Variants in DNMT3L observed in about 807,000 individuals in gnomAD.
DNMT3L encodes DNA methyltransferase 3 like, also known as DNA (cytosine-5)-methyltransferase 3-like.
A neutral mutation model predicts 36.2 loss-of-function variants in DNMT3L; 33 were observed. That is an observed-to-expected ratio of 0.91 (90% CI 0.69 to 1.22). The LOEUF is 1.22. Among genes scored for constraint, DNMT3L ranks in the 50% most tolerant of loss-of-function variants. DNMT3L has a pLI of 0.00. For missense variants in DNMT3L, 310 were observed against 303.1 expected (o/e 1.02, Z -0.17); for synonymous variants, 117 against 121.7 (o/e 0.96, Z 0.26).
At chr21:44,253,661 G>A (rs1020258249) in intron 8 of DNMT3L, among the ~76,000 whole-genome samples, 62 of 152,210 alleles carry the variant, frequency 4.1e-4, no homozygotes, top group African/African-American at 1.4e-3. Flanking sequence ...GGAGGTTGCA[G>A]TGAGCCCAGA....
At chr21:44,259,020 C>T (rs2040290288) in intron 5 of DNMT3L, among the ~76,000 whole-genome samples, 1 of 152,100 alleles carries the variant, frequency 6.6e-6, no homozygotes, top group African/African-American at 2.4e-5. Context: ...GTAGCAACAG[C>T]AGCTGGGGGA....
chr21:44,256,237 G>A (rs2040258130), intron 6 of DNMT3L, 83 bp from the exon 7 acceptor site: 1 of 1,394,518 alleles, frequency 7.2e-7, no homozygotes, highest in African/African-American at 1.4e-5. Context: ...ATTCTTCCCT[G>A]GATGAACACT....
intron 1 of DNMT3L, 149 bp from the exon 2 acceptor site, chr21:44,261,415 C>T (rs1443582637): frequency 2.9e-6 from 2 of 699,544 alleles, no homozygotes; most frequent in East Asian, 5.5e-5. Flanking sequence ...ACCTGCCCAA[C>T]CCAGGGATGA....
chr21:44,258,590 C>A lies in DNMT3L; in HGVS notation c.449G>T (p.Arg150Leu), dbSNP rs750418689. The change falls in exon 6 of 12, where the codon CGA becomes CTA. Residue 150 changes from arginine to leucine, a missense_variant. By Grantham distance (102) the Arg-to-Leu change is moderately radical. Coordinates refer to ENST00000628202, the MANE Select transcript of DNMT3L (RefSeq NM_175867.3). This position sits in a 1 kb window ranked among gnomAD's most constrained non-coding sequence, Gnocchi z 6.2. ...CCTCCGACGCTGCAGCAGCCCGCTT[C>A]GGGAGGACGGCAGGCACAGGTAGCA... The part of the protein sequence containing the change: ...WVCYLCLPSS[R>L]SGLLQRRRKW... The A allele has an allele frequency of 1.7e-5, 28 of 1,610,682 alleles. No homozygotes were observed. The South Asian group carries it at 2.9e-4, about 16-fold the overall frequency.
Position 44,258,660 on chromosome 21 carries a change from C to T in DNMT3L, c.379G>A (p.Gly127Ser), listed in dbSNP as rs1251256454. 3.1e-6 allele frequency: 5 copies of T among 1,612,892 alleles called. No individual in the cohort carries two copies. The highest frequency in any genetic ancestry group is 1.3e-5 in the African/African-American group (1 of 75,074). ...TGCACCTTCCCCGAGGTCCCGGGGC[C>T]GACCAGGCTATCCACACACTCGAAG... ...YCFECVDSLVGPGTSGKVHAM... is the reference protein window; with the variant it reads ...YCFECVDSLVSPGTSGKVHAM... The change falls in exon 6 of 12, where the codon GGC becomes AGC. Residue 127 changes from glycine (G) to serine (S), a missense_variant. Gly to Ser is a moderately conservative substitution (Grantham distance 56). Coordinates refer to ENST00000628202, the MANE Select transcript of DNMT3L (RefSeq NM_175867.3). The surrounding 1 kb of genome is among the most constrained non-coding windows in gnomAD (Gnocchi z 6.2).
chr21:44,260,771 G>T, intron 3 of DNMT3L, 24 bp downstream of exon 3: 6 of 1,613,082 alleles, frequency 3.7e-6, no homozygotes, highest in Non-Finnish European at 5.1e-6. Context: ...TTTGTCTGGT[G>T]TGGGCCAGTA....
At chr21:44,254,944 A>T (rs911943503) in intron 7 of DNMT3L, among the ~76,000 whole-genome samples, 1 of 151,774 alleles carries the variant, frequency 6.6e-6, no homozygotes, top group Admixed American at 6.6e-5. Flanking sequence ...CCCTGCCTCA[A>T]CCTCCCGAGT....
intron 6 of DNMT3L, among the ~76,000 whole-genome samples, chr21:44,257,603 C>T (rs1449997855): frequency 2.0e-5 from 3 of 147,916 alleles, no homozygotes; most frequent in African/African-American, 7.5e-5. Context: ...ATGGCGTGAA[C>T]CTGGGAGGCG....
chr21:44,255,930 G>A (rs1269112025), intron 7 of DNMT3L, 137 bp downstream of exon 7: 2 of 843,250 alleles, frequency 2.4e-6, no homozygotes, highest in East Asian at 5.1e-5. Flanking sequence ...CATGGGCCCA[G>A]GGTGGGGAAG....
At chr21:44,259,747 A>C in intron 3 of DNMT3L, 36 bp from the exon 4 acceptor site, 1 of 1,583,366 alleles carries the variant, frequency 6.3e-7, no homozygotes, top group Non-Finnish European at 8.6e-7. Context: ...GTGTTTTCCC[A>C]GTGCTGTCAA....
rs1022349349 is a variant in DNMT3L at position 44,254,765 on chromosome 21, A to C, written c.605-60T>G. 15 of 1,563,892 alleles carry C rather than the reference A, an allele frequency of 9.6e-6. No individual in the cohort carries two copies. The African/African-American group carries it at 1.1e-4, about 11-fold the overall frequency. Reference sequence around the variant, plus strand: ...GAGCGTGGATTGTGCCCCTACAGGGACTCGAAAAGGCTGACGGACGATCAG... The same window carrying C: ...GAGCGTGGATTGTGCCCCTACAGGGCCTCGAAAAGGCTGACGGACGATCAG... On this transcript the variant is annotated intron_variant, in intron 7 of 11. Coordinates refer to ENST00000628202, the MANE Select transcript of DNMT3L (RefSeq NM_175867.3).
Position 44,258,264 on chromosome 21 carries a change from ACCCTCTCCCGGC to A in DNMT3L, c.516+247_516+258del, listed in dbSNP as rs1478141382. Among the ~76,000 whole-genome samples the A allele has an allele frequency of 2.6e-5, 4 of 151,788 alleles. No homozygotes were observed. Among genetic ancestry groups the A allele is most frequent in the Non-Finnish European group, 4.4e-5 (3 of 67,956 alleles). On this transcript the variant is annotated intron_variant, in intron 6 of 11. Coordinates refer to ENST00000628202, the MANE Select transcript of DNMT3L (RefSeq NM_175867.3). This position sits in a 1 kb window ranked among gnomAD's most constrained non-coding sequence, Gnocchi z 6.2. ...GACTGGACTTTGAGACGTGCCAGCC[ACCCTCTCCCGGC>A]CCCTCTCCCATCTGCTACCAGGGCC...
chr21:44,257,477 C>A (rs150584792), intron 6 of DNMT3L, among the ~76,000 whole-genome samples: 24,285 of 151,610 alleles, frequency 0.16, 2,433 homozygotes, highest in South Asian at 0.24. Context: ...GTCAGGAGAT[C>A]GAGACCATCC....
chr21:44,260,624 T>A (rs530445265), intron 3 of DNMT3L, among the ~76,000 whole-genome samples, 171 bp downstream of exon 3: 18 of 152,166 alleles, frequency 1.2e-4, no homozygotes, highest in Non-Finnish European at 2.1e-4. Context: ...GGTTAATTTT[T>A]ATTTTTATTT....
chr21:44,258,506 C>T lies in DNMT3L; in HGVS notation c.516+17G>A. The T allele has an allele frequency of 6.5e-7, 1 of 1,537,984 alleles. No homozygotes were observed. Among genetic ancestry groups the T allele is most frequent in the South Asian group, 1.2e-5 (1 of 83,246 alleles). ...GGCCTGCTGCTGCCGGGTGCTGCCC[C>T]TCCACGGGCTCCTTACCGACTCTCG... is the stretch of plus-strand genomic sequence containing the variant. On this transcript the variant is annotated intron_variant, in intron 6 of 11. Coordinates refer to ENST00000628202, the MANE Select transcript of DNMT3L (RefSeq NM_175867.3). This position sits in a 1 kb window ranked among gnomAD's most constrained non-coding sequence, Gnocchi z 6.2.
intron 8 of DNMT3L, among the ~76,000 whole-genome samples, chr21:44,254,304 G>A (rs1318002900): frequency 1.3e-5 from 2 of 152,242 alleles, no homozygotes; most frequent in African/African-American, 4.8e-5. Context: ...ATTTCAAGAT[G>A]TTGGACAAGA....
intron 2 of DNMT3L, 148 bp downstream of exon 2, chr21:44,261,005 TG>T: frequency 7.4e-7 from 1 of 1,345,824 alleles, no homozygotes; most frequent in Non-Finnish European, 1.0e-6. Flanking sequence ...CGCCCATACC[TG>T]GGGGAAGACT....
At chr21:44,253,363 G>A (rs2040234089) in intron 8 of DNMT3L, among the ~76,000 whole-genome samples, 1 of 140,590 alleles carries the variant, frequency 7.1e-6, no homozygotes. Flanking sequence ...ACCAAGGGGA[G>A]GCTGTGAGCA....
Position 44,261,129 on chromosome 21 carries a change from G to A in DNMT3L, c.106+25C>T, listed in dbSNP as rs375758150. 34 of 1,607,484 alleles carry A rather than the reference G, an allele frequency of 2.1e-5. 1 individual carries two copies. In the South Asian group the frequency reaches 2.2e-4, roughly 10 times the overall value. ...CTGGGATCAGCATCCTAAGTGACTG[G>A]TCCAATAAGCAGATGAGCCCTCACC... On this transcript the variant is annotated intron_variant, in intron 2 of 11. Transcript: ENST00000628202.
Sources: gnomAD v4.1 joint callset for allele counts (sites outside exome capture counted in the v4.1 genomes callset) on GRCh38, gnomAD v4.1.1 for gene constraint, Gnocchi (gnomAD v3.1) non-coding constraint, MANE v1.5 for transcripts, NCBI Gene and HGNC (gene_info 2026-07-23, HGNC 2026-07-21) for gene names.